The following TEX9 variants were observed in gnomAD, a reference collection of about 807,000 sequenced individuals.
TEX9 encodes testis expressed 9, also known as testis-expressed protein 9.
In TEX9, 74 loss-of-function variants were observed where a neutral mutation model predicts 59.6. The ratio of observed to expected loss-of-function variants is 1.24; its 90% CI spans 1.03 to 1.51. The LOEUF (loss-of-function observed/expected upper bound fraction) is 1.51, where lower values mean the gene tolerates loss of function less well. Ranked by LOEUF, TEX9 falls within the 40% of genes most tolerant of loss-of-function variation. TEX9 has a pLI of 0.00. For synonymous variants in TEX9, 186 were observed against 152.2 expected, an observed-to-expected ratio of 1.22 and a Z score of -1.64; for missense variants, 522 against 447.8, an observed-to-expected ratio of 1.17 and a Z score of -1.49.
rs377432208 is a variant in TEX9 at position 56,332,523 on chromosome 15, C to G, written c.-106-40918C>G. Among the ~76,000 whole-genome samples, 521 of 150,734 alleles carry G rather than the reference C, an allele frequency of 3.5e-3. 2 individuals are homozygous for G. Among genetic ancestry groups the G allele is most frequent in the African/African-American group, 9.0e-3 (368 of 41,054 alleles). Reference sequence around the variant, plus strand: ...TTGGGAGATATACCTAATGCTAGATCACGAGTTAGTGGGTGCAGCGCACCA... The same window carrying G: ...TTGGGAGATATACCTAATGCTAGATGACGAGTTAGTGGGTGCAGCGCACCA... On this transcript the variant is annotated intron_variant, in intron 1 of 5. Coordinates refer to the TEX9 transcript ENST00000560827.
intron 9 of TEX9, among the ~76,000 whole-genome samples, chr15:56,401,308 C>CAAAAAAAAAAAAAAAAAA (rs1207055803): frequency 1.7e-4 from 8 of 46,776 alleles, no homozygotes; most frequent in South Asian, 1.7e-3. Flanking sequence ...AAATTGAAAG[C>CAAAAAAAAAAAAAAAAAA]AAAAAAAAAA....
chr15:56,381,822 T>G (rs1354450954), intron 3 of TEX9, among the ~76,000 whole-genome samples: 2 of 152,226 alleles, frequency 1.3e-5, no homozygotes, highest in African/African-American at 4.8e-5. Flanking sequence ...AGAACAGTAC[T>G]GGATGTTGCC....
rs998320419 is a variant in TEX9, at chr15:56,271,983, A to G, written c.-107+27705A>G. Among the ~76,000 whole-genome samples the G allele has an allele frequency of 2.0e-5, 3 of 152,178 alleles. No individual in the cohort carries two copies. In the East Asian group the frequency reaches 5.8e-4, roughly 29 times the overall value. ...TGAAACCCTGTCTCTACTAAAAACT[A>G]CAAAAACAAAATTAGCTGGGCATGG... On this transcript the variant is annotated intron_variant, in intron 1 of 5. Transcript: ENST00000560827.
At position 56,389,313 on chromosome 15, in the gene TEX9, T is replaced by C. The variant is rs544519606; in HGVS notation, c.313-5T>C. The C allele has an allele frequency of 8.0e-5, 129 of 1,606,792 alleles. 2 individuals are homozygous for C. The highest frequency in any genetic ancestry group is 8.5e-7 in the Non-Finnish European group (1 of 1,174,816). Reference sequence around the variant, plus strand: ...TAGTCAATACTTTCAATTCTTTTCATGTAGCCAAAGACCAAAAACATTGAT... The same window carrying C: ...TAGTCAATACTTTCAATTCTTTTCACGTAGCCAAAGACCAAAAACATTGAT... On this transcript the variant is annotated splice_polypyrimidine_tract_variant and splice_region_variant and intron_variant, in intron 5 of 12. Coordinates refer to ENST00000352903, the Ensembl canonical transcript of TEX9.
At chr15:56,371,768 T>C (rs2047202312) in intron 2 of TEX9, among the ~76,000 whole-genome samples, 1 of 152,214 alleles carries the variant, frequency 6.6e-6, no homozygotes, top group South Asian at 2.1e-4. Flanking sequence ...CATGGTGTCC[T>C]TGTATCACCT....
chr15:56,346,329 C>G (rs1255279576), intron 1 of TEX9, among the ~76,000 whole-genome samples: 3 of 152,086 alleles, frequency 2.0e-5, no homozygotes, highest in Non-Finnish European at 2.9e-5. Context: ...TATGAGTTTG[C>G]CAGAATAAAG....
At chr15:56,418,700 C>T (rs1329397568) in intron 10 of TEX9, among the ~76,000 whole-genome samples, 7 of 151,604 alleles carry the variant, frequency 4.6e-5, no homozygotes, top group Non-Finnish European at 1.0e-4. Context: ...TAGCTGTGCA[C>T]CTATCTTATA....
chr15:56,327,323 T>C (rs953180821), intron 1 of TEX9, among the ~76,000 whole-genome samples: 21 of 152,204 alleles, frequency 1.4e-4, no homozygotes, highest in African/African-American at 5.1e-4. Context: ...AAATGCTTTA[T>C]TTCAGTTTCA....
chr15:56,438,205 A>T (rs1368536293), intron 12 of TEX9, among the ~76,000 whole-genome samples: 2 of 152,208 alleles, frequency 1.3e-5, no homozygotes, highest in Admixed American at 1.3e-4. Context: ...ATGCTACCTG[A>T]ATTCAAACTA....
At chr15:56,459,990 CAA>C in the TEX9 span, among the ~76,000 whole-genome samples, 35 of 11,114 alleles carry the variant, frequency 3.1e-3, 4 homozygotes, top group Admixed American at 7.3e-3. Context: ...AATTCTGTCT[CAA>C]AAAAAAAAAA....
At chr15:56,374,159 G>T (rs2047317732) in intron 3 of TEX9, 1 of 151,566 alleles carries the variant, frequency 6.6e-6, no homozygotes, top group African/African-American at 2.4e-5. Flanking sequence ...TTTAGTTTTT[G>T]CCAGTGTCTG....
chr15:56,327,907 A>C (rs1034016882), intron 1 of TEX9, among the ~76,000 whole-genome samples: 1 of 152,138 alleles, frequency 6.6e-6, no homozygotes, highest in Non-Finnish European at 1.5e-5. Flanking sequence ...AAGGCAGTCT[A>C]GGCCACAAGA....
intron 1 of TEX9, among the ~76,000 whole-genome samples, chr15:56,330,288 C>T (rs2141759106): frequency 6.6e-6 from 1 of 152,208 alleles, no homozygotes; most frequent in South Asian, 2.1e-4. Context: ...AAAGGGGGTA[C>T]TTCAATCTGA....
At chr15:56,271,464 G>A (rs1310105628) in intron 1 of TEX9, among the ~76,000 whole-genome samples, 2 of 151,860 alleles carry the variant, frequency 1.3e-5, no homozygotes, top group African/African-American at 2.4e-5. Context: ...CGTAGTTCTC[G>A]TGCCATGCTT....
chr15:56,401,035 T>C (rs1048720849), intron 9 of TEX9, among the ~76,000 whole-genome samples: 2 of 151,928 alleles, frequency 1.3e-5, no homozygotes, highest in Non-Finnish European at 2.9e-5. Flanking sequence ...ACAGGCCAAA[T>C]GGTAAAGACC....
intron 2 of TEX9, among the ~76,000 whole-genome samples, chr15:56,366,770 G>T (rs572087058): frequency 6.6e-6 from 1 of 152,098 alleles, no homozygotes; most frequent in Non-Finnish European, 1.5e-5. Flanking sequence ...TAGAGTTATC[G>T]TATGATCTAC....
At chr15:56,269,888 C>T (rs1237338278) in intron 1 of TEX9, among the ~76,000 whole-genome samples, 1 of 152,012 alleles carries the variant, frequency 6.6e-6, no homozygotes, top group East Asian at 1.9e-4. Flanking sequence ...AAACTCCTGA[C>T]CTTGTGATCC....
intron 1 of TEX9, among the ~76,000 whole-genome samples, chr15:56,345,956 G>A (rs1279119516): frequency 3.3e-5 from 5 of 152,182 alleles, no homozygotes; most frequent in Admixed American, 6.5e-5. Flanking sequence ...TAATACAACA[G>A]GGTTACAACT....
chr15:56,458,500 G>A, the TEX9 span, among the ~76,000 whole-genome samples: 5 of 151,976 alleles, frequency 3.3e-5, no homozygotes, highest in African/African-American at 7.3e-5. Context: ...TTACATTAAG[G>A]TTCATTCTTG....
Sources: gnomAD v4.1 joint callset for allele counts (sites outside exome capture counted in the v4.1 genomes callset) on GRCh38, gnomAD v4.1.1 for gene constraint, MANE v1.5 for transcripts, NCBI Gene and HGNC (gene_info 2026-07-23, HGNC 2026-07-21) for gene names.